Variants in IMMP2L observed in about 807,000 individuals in gnomAD.
IMMP2L encodes the protein inner mitochondrial membrane peptidase subunit 2.
IMMP2L carries 18 observed loss-of-function variants against 19.3 expected under a neutral mutation model. That is an observed-to-expected ratio of 0.93 (90% CI 0.64 to 1.38). IMMP2L has a LOEUF of 1.38. IMMP2L is among the 40% of genes most tolerant of loss of function. The probability of loss-of-function intolerance (pLI) is 0.00; values close to 1 mark genes in which losing one functional copy is unlikely to be tolerated. For missense variants in IMMP2L, 233 were observed against 218.2 expected, an observed-to-expected ratio of 1.07 and a Z score of -0.43; for synonymous variants, 76 against 73.0, an observed-to-expected ratio of 1.04 and a Z score of -0.21.
intron 5 of IMMP2L, among the ~76,000 whole-genome samples, chr7:110,770,168 T>A (rs1335190049): frequency 6.6e-6 from 1 of 152,148 alleles, no homozygotes; most frequent in African/African-American, 2.4e-5. Flanking sequence ...TGCTATAAAA[T>A]CTCAGGCACT....
At chr7:111,105,431 T>C (rs937350248) in intron 3 of IMMP2L, among the ~76,000 whole-genome samples, 2 of 151,808 alleles carry the variant, frequency 1.3e-5, no homozygotes, top group African/African-American at 4.8e-5. Flanking sequence ...AGTACATAAA[T>C]TGACCAAATG....
In IMMP2L at chr7:111,168,893, G is replaced by A. The variant is rs116820203; in HGVS notation, c.240-205328C>T. On this transcript the variant is annotated intron_variant, in intron 3 of 5. Transcript: ENST00000405709. ...GTACCATAAGAAAGTACTACAAACC[G>A]GGTGCCTTAAACAACAAAAATTTTT... Among the ~76,000 whole-genome samples the A allele has an allele frequency of 1.7e-3, 262 of 151,780 alleles. 2 individuals carry two copies. The highest frequency in any genetic ancestry group is 5.8e-3 in the African/African-American group (242 of 41,444).
intron 4 of IMMP2L, among the ~76,000 whole-genome samples, chr7:110,892,953 C>T (rs1306636149): frequency 6.6e-6 from 1 of 152,158 alleles, no homozygotes; most frequent in Non-Finnish European, 1.5e-5. Context: ...CAGGCAATCA[C>T]TGTTATGCTG....
intron 3 of IMMP2L, among the ~76,000 whole-genome samples, chr7:111,090,436 T>C (rs929403718): frequency 2.0e-5 from 3 of 151,976 alleles, no homozygotes; most frequent in Non-Finnish European, 2.9e-5. Flanking sequence ...CATGTACCCA[T>C]TCATATGTAG....
intron 5 of IMMP2L, among the ~76,000 whole-genome samples, chr7:110,671,460 A>G (rs1791915565): frequency 6.6e-6 from 1 of 152,132 alleles, no homozygotes; most frequent in African/African-American, 2.4e-5. Flanking sequence ...GGAAACACCA[A>G]AATTACTGGC....
intron 3 of IMMP2L, among the ~76,000 whole-genome samples, chr7:111,264,716 TGC>T (rs1179447743): frequency 6.6e-6 from 1 of 151,006 alleles, no homozygotes; most frequent in East Asian, 1.9e-4. Context: ...ACTACCTTAA[TGC>T]CAGGGATACT....
intron 4 of IMMP2L, among the ~76,000 whole-genome samples, chr7:110,944,139 G>C (rs1218815094): frequency 2.0e-5 from 3 of 151,996 alleles, no homozygotes; most frequent in Non-Finnish European, 4.4e-5. Flanking sequence ...TGGTATGCTA[G>C]ATTTCATAAG....
intron 1 of IMMP2L, among the ~76,000 whole-genome samples, chr7:111,559,888 G>T (rs1276220022): frequency 2.6e-5 from 4 of 152,074 alleles, no homozygotes; most frequent in Non-Finnish European, 5.9e-5. Context: ...ATGTCCAAAA[G>T]ACTGTAAAAG....
chr7:110,745,807 G>A (rs1797300174), intron 5 of IMMP2L, among the ~76,000 whole-genome samples: 1 of 152,182 alleles, frequency 6.6e-6, no homozygotes, highest in African/African-American at 2.4e-5. Flanking sequence ...ATATCAAATT[G>A]TAAAGACCAT....
intron 5 of IMMP2L, among the ~76,000 whole-genome samples, chr7:110,740,608 T>C (rs577935054): frequency 1.3e-5 from 2 of 152,124 alleles, no homozygotes; most frequent in African/African-American, 2.4e-5. Context: ...TGGGACCAGA[T>C]GGATTCACAG....
intron 5 of IMMP2L, among the ~76,000 whole-genome samples, chr7:110,832,064 CT>C (rs1217569080): frequency 6.6e-6 from 1 of 152,170 alleles, no homozygotes; most frequent in African/African-American, 2.4e-5. Flanking sequence ...GAGATCAAGA[CT>C]ACCCTGGCCA....
intron 3 of IMMP2L, among the ~76,000 whole-genome samples, chr7:111,064,839 C>T (rs1049079897): frequency 1.1e-4 from 16 of 152,106 alleles, no homozygotes; most frequent in African/African-American, 2.7e-4. Flanking sequence ...GCAATGGAGA[C>T]GAGGAAGAGT....
At chr7:111,056,833 T>G (rs1793554234) in intron 3 of IMMP2L, among the ~76,000 whole-genome samples, 1 of 152,136 alleles carries the variant, frequency 6.6e-6, no homozygotes, top group Non-Finnish European at 1.5e-5. Flanking sequence ...TCAATCATCT[T>G]CACCTTGAGT....
chr7:111,277,727 A>C (rs1214733349), intron 3 of IMMP2L, among the ~76,000 whole-genome samples: 1 of 152,180 alleles, frequency 6.6e-6, no homozygotes, highest in Non-Finnish European at 1.5e-5. Flanking sequence ...CAATCCCACT[A>C]CTGGGTATCT....
intron 5 of IMMP2L, among the ~76,000 whole-genome samples, chr7:110,856,683 C>T (rs1469436982): frequency 1.3e-5 from 2 of 152,020 alleles, no homozygotes; most frequent in Non-Finnish European, 2.9e-5. Context: ...CTTTCTGTTA[C>T]AAAACCAATA....
At chr7:110,991,425 C>G (rs1822442908) in intron 3 of IMMP2L, among the ~76,000 whole-genome samples, 2 of 152,114 alleles carry the variant, frequency 1.3e-5, no homozygotes, top group Non-Finnish European at 2.9e-5. Flanking sequence ...TTACAATTTA[C>G]TAACGGTGGT....
intron 3 of IMMP2L, among the ~76,000 whole-genome samples, chr7:111,460,473 T>C (rs1423461602): frequency 6.6e-6 from 1 of 152,090 alleles, no homozygotes; most frequent in Non-Finnish European, 1.5e-5. Flanking sequence ...GCTATTTTAT[T>C]ATTGTTTTGT....
intron 2 of IMMP2L, among the ~76,000 whole-genome samples, chr7:111,499,555 G>A (rs1253612470): frequency 6.6e-6 from 1 of 152,032 alleles, no homozygotes; most frequent in East Asian, 1.9e-4. Context: ...TAAATTATCT[G>A]TTCCCCAAAC....
intron 5 of IMMP2L, among the ~76,000 whole-genome samples, chr7:110,784,597 C>T (rs1799948499): frequency 6.6e-6 from 1 of 151,992 alleles, no homozygotes; most frequent in South Asian, 2.1e-4. Context: ...GATCACCCCT[C>T]ATCCATGCTT....
Sources: allele counts gnomAD v4.1 joint callset (sites outside exome capture counted in the v4.1 genomes callset), GRCh38; gene constraint gnomAD v4.1.1; transcripts MANE v1.5; gene names NCBI Gene and HGNC (gene_info 2026-07-23, HGNC 2026-07-21).